Variants in CCDC88A observed in about 807,000 individuals in gnomAD.
CCDC88A encodes the protein girdin.
A neutral mutation model predicts 234.3 loss-of-function variants in CCDC88A; 54 were observed. The ratio of observed to expected loss-of-function variants is 0.23; its 90% CI spans 0.19 to 0.29. The LOEUF (loss-of-function observed/expected upper bound fraction) is 0.29, where lower values mean the gene tolerates loss of function less well. Among genes scored for constraint, CCDC88A ranks in the 10% least tolerant of loss-of-function variants. The probability of loss-of-function intolerance (pLI) is 1.00; values close to 1 mark genes in which losing one functional copy is unlikely to be tolerated. For synonymous variants in CCDC88A, 753 were observed against 737.8 expected, an observed-to-expected ratio of 1.02 and a Z score of -0.33; for missense variants, 1,832 against 2,123.4, an observed-to-expected ratio of 0.86 and a Z score of 2.70.
At chr2:55,316,153 T>G in intron 21 of CCDC88A, 39 bp from the exon 22 acceptor site, 2 of 859,292 alleles carry the variant, frequency 2.3e-6, no homozygotes, top group Non-Finnish European at 3.4e-6. Context: ...TAGATTATCT[T>G]AATAGCTTTT....
rs758337917 is a variant in CCDC88A at position 55,334,065 on chromosome 2, T to A, written c.2727+29A>T. On this transcript the variant is annotated intron_variant, in intron 15 of 32. Transcript: ENST00000436346. This position sits in a 1 kb window ranked among gnomAD's most constrained non-coding sequence, Gnocchi z 6.1. ...CTTGAGTTAAAAATATAAAAAAAAA[T>A]TTGCCTTAATTTAGGTAAACATATT... is the stretch of plus-strand genomic sequence containing the variant. 3.3e-5 allele frequency: 28 copies of A among 855,028 alleles called. No individual in the cohort carries two copies. The highest frequency in any genetic ancestry group is 4.0e-4 in the Middle Eastern group (1 of 2,530). The allele number at this position is 855,028 out of a possible 1,614,324, so 53.0% of individuals were successfully genotyped here.
intron 2 of CCDC88A, chr2:55,417,128 G>T (rs1461447770): frequency 1.8e-4 from 28 of 151,800 alleles, no homozygotes; most frequent in Admixed American, 1.8e-3. Context: ...GCATAAAACT[G>T]CATTTGAAGT....
chr2:55,384,846 AG>A (rs1675332631), intron 3 of CCDC88A, among the ~76,000 whole-genome samples: 1 of 151,408 alleles, frequency 6.6e-6, no homozygotes, highest in Non-Finnish European at 1.5e-5. Flanking sequence ...TAGTACAGGC[AG>A]GGTTTCACCA....
chr2:55,294,744 A>G (rs920082878), intron 31 of CCDC88A: 14 of 992,720 alleles, frequency 1.4e-5, no homozygotes, highest in Non-Finnish European at 1.7e-5. Flanking sequence ...AGAGCATGCA[A>G]CTGTTTTAAC....
intron 17 of CCDC88A, among the ~76,000 whole-genome samples, chr2:55,325,665 T>A (rs1684169733): frequency 6.6e-6 from 1 of 152,224 alleles, no homozygotes; most frequent in Admixed American, 6.5e-5. Flanking sequence ...ATCTGGTAGA[T>A]GAAGTTCTTT....
chr2:55,359,306 A>C (rs776657543), intron 7 of CCDC88A, among the ~76,000 whole-genome samples: 2 of 152,098 alleles, frequency 1.3e-5, no homozygotes, highest in Non-Finnish European at 2.9e-5. Flanking sequence ...TAGGTGGTGA[A>C]ATGGAGATAT....
intron 22 of CCDC88A, chr2:55,313,972 C>T (rs1397999521): frequency 6.6e-6 from 1 of 152,198 alleles, no homozygotes; most frequent in East Asian, 1.9e-4. Flanking sequence ...TGTGACTTCT[C>T]ACTTTTCCCG....
intron 3 of CCDC88A, 40 bp downstream of exon 3, chr2:55,388,738 G>T (rs1014540775): frequency 1.3e-6 from 1 of 756,274 alleles, no homozygotes. Flanking sequence ...AAAAATGTAA[G>T]TAGTTATTAA....
rs1553404181 is a variant in CCDC88A at position 55,334,085 on chromosome 2, C to T, written c.2727+9G>A. ...AAAAATTTGCCTTAATTTAGGTAAA[C>T]ATATTTACCTCACGTAGTGTAACCA... On this transcript the variant is annotated intron_variant, in intron 15 of 32. Transcript: ENST00000436346. The surrounding 1 kb of genome is among the most constrained non-coding windows in gnomAD (Gnocchi z 6.1). 18 of 1,170,508 alleles carry T rather than the reference C, an allele frequency of 1.5e-5. No homozygotes were observed. In the East Asian group the frequency reaches 4.6e-4, roughly 30 times the overall value. The allele number at this position is 1,170,508 out of a possible 1,614,324, so 72.5% of individuals were successfully genotyped here.
At chr2:55,387,685 GGCAGGAGAATC>G (rs1349563283) in intron 3 of CCDC88A, among the ~76,000 whole-genome samples, 1 of 150,654 alleles carries the variant, frequency 6.6e-6, no homozygotes, top group Non-Finnish European at 1.5e-5. Flanking sequence ...AGGAGTCTGA[GGCAGGAGAATC>G]GCTTGAACCC....
In CCDC88A at chr2:55,309,170, A is replaced by G; in HGVS notation, c.4164T>C (p.Pro1388=). Reference sequence around the variant, plus strand: ...AATTTGGTTAATGGTACCTTCTAGGAGGAGATGGGTCATAAAATTTGTATT... The same window carrying G: ...AATTTGGTTAATGGTACCTTCTAGGGGGAGATGGGTCATAAAATTTGTATT... The part of the protein sequence containing the change: ...MDQYKFYDPS[P]PRRRGNWITL... Residue 1388 remains proline (P), a synonymous_variant, in exon 24 of 33, where the codon CCT becomes CCC. Coordinates refer to ENST00000436346, the MANE Select transcript of CCDC88A (RefSeq NM_001365480.1). This position sits in a 1 kb window ranked among gnomAD's most constrained non-coding sequence, Gnocchi z 5.1. The G allele has an allele frequency of 3.2e-6, 5 of 1,556,118 alleles. No homozygotes were observed. Among genetic ancestry groups the G allele is most frequent in the Non-Finnish European group, 3.5e-6 (4 of 1,134,288 alleles).
At position 55,291,708 on chromosome 2, in the gene CCDC88A, G is replaced by C; in HGVS notation, c.*3C>G. ...CCCACATGTCATGTAGTGGGTAATA[G>C]AATTAGGAGCTTTGTTGCTCCCTAG... On this transcript the variant is annotated 3_prime_UTR_variant, in exon 32 of 33. Coordinates refer to ENST00000436346, the MANE Select transcript of CCDC88A (RefSeq NM_001365480.1). 1 of 1,600,446 alleles carries C rather than the reference G, an allele frequency of 6.2e-7. No individual in the cohort carries two copies. The highest frequency in any genetic ancestry group is 8.6e-7 in the Non-Finnish European group (1 of 1,169,112).
In CCDC88A at chr2:55,384,622, T is replaced by C. The variant is rs1454515963; in HGVS notation, c.273+4156A>G. Among the ~76,000 whole-genome samples, 51 of 26,226 alleles carry C rather than the reference T, an allele frequency of 1.9e-3. 7 individuals carry two copies. Among genetic ancestry groups the C allele is most frequent in the African/African-American group, 0.017 (48 of 2,892 alleles). 17.2% of individuals were successfully genotyped at this position (26,226 alleles called of 152,430 possible). On this transcript the variant is annotated intron_variant, in intron 3 of 32. Coordinates refer to ENST00000436346, the MANE Select transcript of CCDC88A (RefSeq NM_001365480.1). ...ATACGTATATATGTGTATATATACGTATATATATGTATATATGTGTATATA... is the reference window on the plus strand; with the variant it reads ...ATACGTATATATGTGTATATATACGCATATATATGTATATATGTGTATATA...
rs70954117 is a variant in CCDC88A at position 55,401,499 on chromosome 2, CATATATAT to C, written c.165-12621_165-12614del. ...GTGTGTATGTATGTGTGTGTGTATA[CATATATAT>C]ATATATATATATATATATATATATA... On this transcript the variant is annotated intron_variant, in intron 2 of 32. Coordinates refer to ENST00000436346, the MANE Select transcript of CCDC88A (RefSeq NM_001365480.1). Among the ~76,000 whole-genome samples the C allele has an allele frequency of 6.6e-3, 359 of 54,592 alleles. 13 individuals are homozygous for C. The highest frequency in any genetic ancestry group is 0.026 in the East Asian group (78 of 3,050). The allele number at this position is 54,592 out of a possible 152,430, so 35.8% of individuals were successfully genotyped here.
At chr2:55,388,424 A>G (rs1676059394) in intron 3 of CCDC88A, 1 of 140,400 alleles carries the variant, frequency 7.1e-6, no homozygotes, top group South Asian at 2.4e-4. Flanking sequence ...AAACGAAAAT[A>G]TGCATCCAAT....
At position 55,396,720 on chromosome 2, in the gene CCDC88A, A is replaced by G. The variant is rs137914468; in HGVS notation, c.165-7834T>C. On this transcript the variant is annotated intron_variant, in intron 2 of 32. Coordinates refer to ENST00000436346, the MANE Select transcript of CCDC88A (RefSeq NM_001365480.1). ...CTCATCTCTACTAAAAATACAAAAA[A>G]TTAGCCAGGCGTGGTGGCAGGCACC... is the stretch of plus-strand genomic sequence containing the variant. Among the ~76,000 whole-genome samples the G allele has an allele frequency of 1.8e-3, 270 of 152,010 alleles. 8 individuals are homozygous for G. In the East Asian group the frequency reaches 0.05, roughly 28 times the overall value.
Position 55,288,512 on chromosome 2 carries a change from T to G in CCDC88A, c.*2688A>C, listed in dbSNP as rs965242864. On this transcript the variant is annotated 3_prime_UTR_variant, in exon 33 of 33. Transcript: ENST00000436346. ...ACCATTAAGACAGCACAGGCTGTAGTACTTCATTGTGAGGTGGCTACAACT... is the reference window on the plus strand; with the variant it reads ...ACCATTAAGACAGCACAGGCTGTAGGACTTCATTGTGAGGTGGCTACAACT... The G allele has an allele frequency of 3.3e-5, 5 of 152,674 alleles. No individual in the cohort carries two copies. The highest frequency in any genetic ancestry group is 3.3e-4 in the Admixed American group (5 of 15,282). The allele number at this position is 152,674 out of a possible 1,614,324, so 9.5% of individuals were successfully genotyped here.
At position 55,355,145 on chromosome 2, in the gene CCDC88A, T is replaced by A. The variant is rs556951200; in HGVS notation, c.800+434A>T. Among the ~76,000 whole-genome samples, 4 of 152,164 alleles carry A rather than the reference T, an allele frequency of 2.6e-5. No homozygotes were observed. In the East Asian group the frequency reaches 7.7e-4, roughly 29 times the overall value. On this transcript the variant is annotated intron_variant, in intron 8 of 32. Coordinates refer to ENST00000436346, the MANE Select transcript of CCDC88A (RefSeq NM_001365480.1). ...AATGCAAGATACATATACAAAACTA[T>A]TTTTTGTTAATAGTATAATGCGAAG... is the stretch of plus-strand genomic sequence containing the variant.
chr2:55,295,261 C>G (rs577619155), intron 31 of CCDC88A: 2 of 1,367,712 alleles, frequency 1.5e-6, no homozygotes, highest in Admixed American at 4.4e-5. Context: ...TCCAAAGAGG[C>G]AGAAGCCTGG....
Sources: allele counts gnomAD v4.1 joint callset (sites outside exome capture counted in the v4.1 genomes callset), GRCh38; gene constraint gnomAD v4.1.1; non-coding constraint Gnocchi (gnomAD v3.1); transcripts MANE v1.5; gene names NCBI Gene and HGNC (gene_info 2026-07-23, HGNC 2026-07-21).